The following GPLD1 variants were observed in gnomAD, a reference collection of about 807,000 sequenced individuals.
GPLD1 encodes phosphatidylinositol-glycan-specific phospholipase D.
Under a neutral mutation model 112.6 loss-of-function variants are expected in GPLD1, and 84 were observed. That is an observed-to-expected ratio of 0.75 (90% CI 0.63 to 0.89). The LOEUF (loss-of-function observed/expected upper bound fraction) is 0.89. GPLD1 is among the 40% of genes least tolerant of loss of function. The pLI is 0.00. For synonymous variants in GPLD1, 386 were observed against 403.8 expected (o/e 0.96, Z 0.53); for missense variants, 1,044 against 1,051.5 (o/e 0.99, Z 0.10).
intron 6 of GPLD1, chr6:24,473,399 T>C: frequency 2.8e-6 from 1 of 361,868 alleles, no homozygotes; most frequent in Non-Finnish European, 5.1e-6. Context: ...CAACAAAGTG[T>C]AGAATTTTTT....
At chr6:24,493,587 C>T (rs1222819910), upstream of GPLD1, among the ~76,000 whole-genome samples, 1 of 152,214 alleles carries the variant, frequency 6.6e-6, no homozygotes. Flanking sequence ...TCCCCAGCCC[C>T]ACCTGTGATA....
intron 14 of GPLD1, 41 bp from the exon 15 acceptor site, chr6:24,449,940 G>T (rs547021984): frequency 5.0e-6 from 7 of 1,412,266 alleles, no homozygotes; most frequent in African/African-American, 1.4e-5. Flanking sequence ...CTGAGCCACG[G>T]CCTCGGAAAG....
chr6:24,460,465 G>A, intron 11 of GPLD1, 66 bp from the exon 12 acceptor site: 8 of 1,544,156 alleles, frequency 5.2e-6, no homozygotes, highest in South Asian at 3.4e-5. Flanking sequence ...AAACTGAGTT[G>A]AAGAATATAG....
At chr6:24,448,328 C>CAG in intron 15 of GPLD1, 120 bp from the exon 16 acceptor site, 2 of 433,540 alleles carry the variant, frequency 4.6e-6, no homozygotes, top group South Asian at 2.6e-5. Context: ...GTCTATAATC[C>CAG]CAGTGCTTTG....
chr6:24,455,980 G>A (rs1013298547), intron 13 of GPLD1, among the ~76,000 whole-genome samples: 25 of 152,064 alleles, frequency 1.6e-4, no homozygotes, highest in African/African-American at 6.0e-4. Context: ...TTTGAGACCA[G>A]CCTGGGCAAC....
At chr6:24,476,496 G>C (rs1055660142) in intron 3 of GPLD1, among the ~76,000 whole-genome samples, 2 of 152,140 alleles carry the variant, frequency 1.3e-5, no homozygotes, top group African/African-American at 4.8e-5. Context: ...ACTAAAAAGA[G>C]CCCTACAGTA....
Position 24,482,338 on chromosome 6 carries a change from T to A in GPLD1, c.154-2379A>T, listed in dbSNP as rs533561432. Among the ~76,000 whole-genome samples, 99 of 152,058 alleles carry A rather than the reference T, an allele frequency of 6.5e-4. 1 individual carries two copies. The highest frequency in any genetic ancestry group is 1.2e-3 in the Non-Finnish European group (85 of 68,002). ...CTCTGTCACCCAGGCTAGAGTGCAA[T>A]GGCATGATCTCGGCTCACTGCAACC... On this transcript the variant is annotated intron_variant, in intron 2 of 24. Transcript: ENST00000230036.
chr6:24,488,280 C>T (rs1003048570), intron 1 of GPLD1, among the ~76,000 whole-genome samples: 37 of 152,020 alleles, frequency 2.4e-4, no homozygotes, highest in African/African-American at 8.9e-4. Flanking sequence ...GGCGTGGTGG[C>T]GGGCACCTGT....
upstream of GPLD1, among the ~76,000 whole-genome samples, chr6:24,490,192 G>C (rs1310437901): frequency 6.6e-6 from 1 of 152,144 alleles, no homozygotes; most frequent in Non-Finnish European, 1.5e-5. Context: ...CTGAAGCAAA[G>C]ATGTCAATTC....
intron 7 of GPLD1, among the ~76,000 whole-genome samples, chr6:24,467,862 A>T (rs577812494): frequency 6.6e-6 from 1 of 152,086 alleles, no homozygotes; most frequent in African/African-American, 2.4e-5. Flanking sequence ...CCTGCCTCCC[A>T]ATCTATTTCT....
chr6:24,449,929 G>A, intron 14 of GPLD1, 30 bp from the exon 15 acceptor site: 1 of 1,499,592 alleles, frequency 6.7e-7, no homozygotes, highest in Non-Finnish European at 9.1e-7. Flanking sequence ...CTTCCCCTGG[G>A]CTGAGCCACG....
chr6:24,445,585 T>C lies in GPLD1; in HGVS notation c.1981A>G (p.Thr661Ala). The C allele has an allele frequency of 6.2e-7, 1 of 1,613,834 alleles. No homozygotes were observed. The highest frequency in any genetic ancestry group is 8.5e-7 in the Non-Finnish European group (1 of 1,179,832). ...CCAACCAGCAGCACTTGTTTCAGAGTCCCATTCATCAGTACGTGGCCACTG... is the reference window on the plus strand; with the variant it reads ...CCAACCAGCAGCACTTGTTTCAGAGCCCCATTCATCAGTACGTGGCCACTG... ...LSSGHVLMNG[T>A]LKQVLLVGAP... Residue 661 changes from threonine (T) to alanine (A), a missense_variant, in exon 20 of 25, where the codon ACT becomes GCT. Coordinates refer to ENST00000230036, the MANE Select transcript of GPLD1 (RefSeq NM_001503.4).
At position 24,426,139 on chromosome 6, in the gene GPLD1, A is replaced by G. The variant is rs1762230390; in HGVS notation, c.*2893T>C. The G allele has an allele frequency of 1.3e-5, 2 of 152,252 alleles. No individual in the cohort carries two copies. Among genetic ancestry groups the G allele is most frequent in the African/African-American group, 4.8e-5 (2 of 41,464 alleles). 9.4% of individuals were successfully genotyped at this position (152,252 alleles called of 1,614,324 possible). ...CAGATAGTAGCAAGACAGAAAATGC[A>G]AATATGTAAATGTCTTCTGATATCT... On this transcript the variant is annotated 3_prime_UTR_variant, in exon 25 of 25. Transcript: ENST00000230036.
intron 17 of GPLD1, among the ~76,000 whole-genome samples, chr6:24,447,406 C>T (rs1258939610): frequency 2.0e-5 from 3 of 152,098 alleles, no homozygotes; most frequent in African/African-American, 7.2e-5. Flanking sequence ...GTAGTCCCAG[C>T]TACTCAGGAG....
chr6:24,457,075 G>A (rs903026815), intron 12 of GPLD1, among the ~76,000 whole-genome samples: 1 of 152,136 alleles, frequency 6.6e-6, no homozygotes, highest in Admixed American at 6.5e-5. Context: ...TCACCATGTT[G>A]GCCAGGCTGG....
intron 12 of GPLD1, 60 bp downstream of exon 12, chr6:24,460,219 A>C (rs771502897): frequency 1.3e-6 from 2 of 1,595,676 alleles, no homozygotes; most frequent in Non-Finnish European, 1.7e-6. Flanking sequence ...GGACTCAGCG[A>C]AACAAGGTAT....
intron 20 of GPLD1, among the ~76,000 whole-genome samples, chr6:24,439,213 T>G (rs1762672082): frequency 6.6e-6 from 1 of 152,210 alleles, no homozygotes; most frequent in African/African-American, 2.4e-5. Context: ...TACCTGAGGC[T>G]TCTCCCTCTG....
chr6:24,447,637 C>T (rs1165757529), intron 17 of GPLD1, among the ~76,000 whole-genome samples: 1 of 152,180 alleles, frequency 6.6e-6, no homozygotes. Flanking sequence ...CATGGAGACA[C>T]TATGGGAATA....
At chr6:24,488,628 T>G (rs1764461046) in intron 1 of GPLD1, among the ~76,000 whole-genome samples, 1 of 151,710 alleles carries the variant, frequency 6.6e-6, no homozygotes. Flanking sequence ...GGTAGCTATG[T>G]GGGGGGGGCG....
Sources: allele counts gnomAD v4.1 joint callset (sites outside exome capture counted in the v4.1 genomes callset), GRCh38; gene constraint gnomAD v4.1.1; transcripts MANE v1.5; gene names NCBI Gene and HGNC (gene_info 2026-07-23, HGNC 2026-07-21).